AMZ1: variants seen among roughly 807,000 people sequenced by gnomAD.
The protein encoded by AMZ1 is archaemetzincin-1.
Under a neutral mutation model 29.9 loss-of-function variants are expected in AMZ1, and 39 were observed. That is an observed-to-expected ratio of 1.30 (90% CI 1.01 to 1.70). The LOEUF (loss-of-function observed/expected upper bound fraction) is 1.70. Ranked by LOEUF, AMZ1 falls within the 40% of genes most tolerant of loss-of-function variation. The probability of loss-of-function intolerance (pLI) is 0.00; values close to 1 mark genes in which losing one functional copy is unlikely to be tolerated. For missense variants in AMZ1, 1,041 were observed against 680.6 expected, an observed-to-expected ratio of 1.53 and a Z score of -5.89; for synonymous variants, 458 against 304.0, an observed-to-expected ratio of 1.51 and a Z score of -5.27.
chr7:2,694,020 A>G (rs1787560125), intron 1 of AMZ1, among the ~76,000 whole-genome samples: 1 of 152,172 alleles, frequency 6.6e-6, no homozygotes, highest in African/African-American at 2.4e-5. Flanking sequence ...AGGGCCCAGC[A>G]CCCAGGAAGC....
Position 2,731,376 on chromosome 7 carries a change from G to A in AMZ1, n.550+21560G>A. 1.2e-6 allele frequency: 2 copies of A among 1,613,648 alleles called. No homozygotes were observed. The highest frequency in any genetic ancestry group is 1.1e-5 in the South Asian group (1 of 91,040). On this transcript the variant is annotated intron_variant and non_coding_transcript_variant, in intron 4 of 4. Coordinates refer to the AMZ1 transcript ENST00000489665. The surrounding 1 kb of genome is among the most constrained non-coding windows in gnomAD (Gnocchi z 6.0). ...CCTCCAGCCTGTGCGGGTCGCCCCTGAAGTCCGGGAAGTGCTTCTTGATGC... is the reference window on the plus strand; with the variant it reads ...CCTCCAGCCTGTGCGGGTCGCCCCTAAAGTCCGGGAAGTGCTTCTTGATGC...
At chr7:2,744,683 A>T (rs1251545025) in intron 4 of AMZ1, among the ~76,000 whole-genome samples, 2 of 152,210 alleles carry the variant, frequency 1.3e-5, no homozygotes, top group African/African-American at 2.4e-5. Context: ...GACTTTGACG[A>T]GTTGAGAAAA....
chr7:2,709,165 C>T lies in AMZ1; in HGVS notation c.692C>T (p.Ala231Val). 1.3e-6 allele frequency: 2 copies of T among 1,561,702 alleles called. No individual in the cohort carries two copies. The highest frequency in any genetic ancestry group is 1.7e-6 in the Non-Finnish European group (2 of 1,155,422). The change falls in exon 5 of 7, where the codon GCA (alanine) becomes GTA (valine). Residue 231 changes from alanine (A) to valine (V), a missense_variant. Physicochemically the swap from Ala to Val is moderately conservative, Grantham distance 64. Transcript: ENST00000683327. Reference sequence around the variant, plus strand: ...GATCTGGCCCTGGTAGAGGCAGCAGCAGACGGCCCCGAGGCCCCCCTGCAG... The same window carrying T: ...GATCTGGCCCTGGTAGAGGCAGCAGTAGACGGCCCCGAGGCCCCCCTGCAG... The part of the protein sequence containing the change: ...APDLALVEAA[A>V]DGPEAPLQDR...
chr7:2,689,793 C>T (rs1290153860), intron 1 of AMZ1, among the ~76,000 whole-genome samples: 2 of 152,208 alleles, frequency 1.3e-5, no homozygotes, highest in Non-Finnish European at 2.9e-5. Context: ...CAGCGAGAAA[C>T]CTCCATCTGG....
At chr7:2,748,320 C>T (rs1260693594) in intron 4 of AMZ1, among the ~76,000 whole-genome samples, 1 of 152,130 alleles carries the variant, frequency 6.6e-6, no homozygotes, top group Non-Finnish European at 1.5e-5. Flanking sequence ...ACACATAGAC[C>T]AATGGAACAG....
At chr7:2,733,746 G>A (rs560681555) in intron 4 of AMZ1, among the ~76,000 whole-genome samples, 1 of 152,194 alleles carries the variant, frequency 6.6e-6, no homozygotes, top group South Asian at 2.1e-4. Context: ...TTCAATTTTC[G>A]CTGCTGGGTT....
At chr7:2,764,284 T>C (rs1313661263), upstream of AMZ1, among the ~76,000 whole-genome samples, 1 of 151,472 alleles carries the variant, frequency 6.6e-6, no homozygotes, top group African/African-American at 2.4e-5. Flanking sequence ...GATCTCACTA[T>C]GTTGCCCAGG....
chr7:2,706,885 C>G (rs114737018), intron 3 of AMZ1, among the ~76,000 whole-genome samples: 4 of 141,110 alleles, frequency 2.8e-5, no homozygotes, highest in Admixed American at 6.7e-5. Context: ...CTCAGGAGGC[C>G]GAGGCAGGAA....
chr7:2,706,431 G>A (rs935527120), intron 3 of AMZ1, among the ~76,000 whole-genome samples: 1 of 152,354 alleles, frequency 6.6e-6, no homozygotes, highest in Non-Finnish European at 1.5e-5. Context: ...CCGTAACAAA[G>A]TACCACAAAC....
chr7:2,713,030 G>T lies in AMZ1; in HGVS notation c.*152G>T, dbSNP rs1762841830. 3.6e-6 allele frequency: 3 copies of T among 822,006 alleles called. No individual in the cohort carries two copies. Among genetic ancestry groups the T allele is most frequent in the Non-Finnish European group, 3.4e-6 (2 of 583,794 alleles). The allele number at this position is 822,006 out of a possible 1,614,324, so 50.9% of individuals were successfully genotyped here. A position where few individuals can be genotyped will look rare whatever the true frequency, so the allele number is the denominator to read the frequency against. ...TCATCCCATCACTTTGAGAGGCCAGGAGTTTGAGACCAGACTGGGCAACAT... is the reference window on the plus strand; with the variant it reads ...TCATCCCATCACTTTGAGAGGCCAGTAGTTTGAGACCAGACTGGGCAACAT... On this transcript the variant is annotated 3_prime_UTR_variant, in exon 7 of 7. Transcript: ENST00000683327.
downstream of AMZ1, among the ~76,000 whole-genome samples, chr7:2,724,136 G>A (rs1199319265): frequency 1.3e-5 from 2 of 152,014 alleles, no homozygotes; most frequent in South Asian, 2.1e-4. Context: ...GGCCAGGCTG[G>A]TCTTGAACTC....
chr7:2,708,734 C>G lies in AMZ1; in HGVS notation c.601+18C>G, dbSNP rs1446769793. ...AGGGCACGGTGAGCCGGGGCCCCAG[C>G]AGCTGTGCGTGGGGGGTAGCCTGGC... On this transcript the variant is annotated intron_variant, in intron 4 of 6. Coordinates refer to ENST00000683327, the MANE Select transcript of AMZ1 (RefSeq NM_001384743.1). The G allele has an allele frequency of 1.9e-6, 3 of 1,611,860 alleles. No individual in the cohort carries two copies. Among genetic ancestry groups the G allele is most frequent in the South Asian group, 2.2e-5 (2 of 91,052 alleles).
chr7:2,724,105 G>C (rs1203307634), downstream of AMZ1, among the ~76,000 whole-genome samples: 1 of 151,788 alleles, frequency 6.6e-6, no homozygotes, highest in African/African-American at 2.4e-5. Context: ...TGGGGAGTGG[G>C]GGGGCGGGTC....
intron 4 of AMZ1, among the ~76,000 whole-genome samples, chr7:2,751,912 C>T (rs1366957034): frequency 6.6e-6 from 1 of 152,180 alleles, no homozygotes; most frequent in Non-Finnish European, 1.5e-5. Context: ...GATGACCTCA[C>T]TATCAAACAC....
At chr7:2,690,746 C>T (rs935009115) in intron 1 of AMZ1, among the ~76,000 whole-genome samples, 5 of 152,248 alleles carry the variant, frequency 3.3e-5, no homozygotes, top group African/African-American at 7.2e-5. Flanking sequence ...TGCTCCCATT[C>T]GGTCCTCCCT....
At chr7:2,688,415 CG>C in intron 1 of AMZ1, 119 bp downstream of exon 1, 1 of 152,026 alleles carries the variant, frequency 6.6e-6, no homozygotes, top group African/African-American at 2.4e-5. Flanking sequence ...GTCCCGAGGG[CG>C]CCCGGGCGGC....
At chr7:2,707,701 C>T (rs1788442885) in intron 3 of AMZ1, among the ~76,000 whole-genome samples, 1 of 152,108 alleles carries the variant, frequency 6.6e-6, no homozygotes, top group Admixed American at 6.6e-5. Flanking sequence ...ATTTCCTGCC[C>T]TTTCCAGCTT....
In AMZ1 at chr7:2,731,530, C is replaced by G. The variant is rs758369709; in HGVS notation, n.550+21714C>G. On this transcript the variant is annotated intron_variant and non_coding_transcript_variant, in intron 4 of 4. Transcript: ENST00000489665. The surrounding 1 kb of genome is among the most constrained non-coding windows in gnomAD (Gnocchi z 6.0). ...CATGGACTCCACCAGCCGGTTGGTG[C>G]GCCTGTCCTCCATGAGGACCTGGTC... The G allele has an allele frequency of 6.2e-7, 1 of 1,611,080 alleles. No homozygotes were observed. The highest frequency in any genetic ancestry group is 8.5e-7 in the Non-Finnish European group (1 of 1,177,890).
rs1484753588 is a variant in AMZ1 at position 2,719,677 on chromosome 7, A to AC, written c.*6803dup. On this transcript the variant is annotated 3_prime_UTR_variant, in exon 7 of 7. Coordinates refer to ENST00000683327, the MANE Select transcript of AMZ1 (RefSeq NM_001384743.1). ...TTCTCAAAATTAATAAATGCTATCAACCCCAATTTTTTTTTTTTTTGAGAT... is the reference window on the plus strand; with the variant it reads ...TTCTCAAAATTAATAAATGCTATCAACCCCCAATTTTTTTTTTTTTTGAGAT... Among the ~76,000 whole-genome samples the AC allele has an allele frequency of 1.8e-5, 2 of 111,182 alleles. No individual in the cohort carries two copies. Among genetic ancestry groups the AC allele is most frequent in the African/African-American group, 7.0e-5 (2 of 28,530 alleles). The allele number at this position is 111,182 out of a possible 152,430, so 72.9% of individuals were successfully genotyped here. A position where few individuals can be genotyped will look rare whatever the true frequency, so the allele number is the denominator to read the frequency against.
Sources: gnomAD v4.1 joint callset for allele counts (sites outside exome capture counted in the v4.1 genomes callset) on GRCh38, gnomAD v4.1.1 for gene constraint, Gnocchi (gnomAD v3.1) non-coding constraint, MANE v1.5 for transcripts, NCBI Gene and HGNC (gene_info 2026-07-23, HGNC 2026-07-21) for gene names.